PPFIBP2: variants seen among roughly 807,000 people sequenced by gnomAD.
PPFIBP2 encodes liprin-beta-2.
A neutral mutation model predicts 118.3 loss-of-function variants in PPFIBP2; 118 were observed. The observed-to-expected ratio is 1.00, with a 90% CI of 0.86 to 1.16. The LOEUF is 1.16. Among genes scored for constraint, PPFIBP2 ranks in the 50% most tolerant of loss-of-function variants. The pLI, the probability that PPFIBP2 is intolerant of heterozygous loss-of-function variation, is 0.00. For missense variants in PPFIBP2, 1,195 were observed against 1,073.1 expected (o/e 1.11, Z -1.59); for synonymous variants, 414 against 397.4 (o/e 1.04, Z -0.50).
chr11:7,630,906 A>C lies in PPFIBP2; in HGVS notation c.965-19A>C. The C allele has an allele frequency of 1.3e-6, 2 of 1,573,704 alleles. No homozygotes were observed. The highest frequency in any genetic ancestry group is 8.7e-7 in the Non-Finnish European group (1 of 1,143,280). On this transcript the variant is annotated intron_variant, in intron 10 of 23. Coordinates refer to ENST00000299492, the MANE Select transcript of PPFIBP2 (RefSeq NM_003621.5). ...AACATGAATTCAACAATTCAGTCTTACTACCTTAATGCTTGCAGGGCCTTC... is the reference window on the plus strand; with the variant it reads ...AACATGAATTCAACAATTCAGTCTTCCTACCTTAATGCTTGCAGGGCCTTC...
chr11:7,558,720 C>T (rs1193866776), intron 2 of PPFIBP2, among the ~76,000 whole-genome samples: 3 of 151,270 alleles, frequency 2.0e-5, no homozygotes, highest in Non-Finnish European at 4.4e-5. Flanking sequence ...CACGCCACTG[C>T]ACTCCAGCCT....
In PPFIBP2 at chr11:7,643,439, G is replaced by T. The variant is rs182323027; in HGVS notation, c.1646+1013G>T. Among the ~76,000 whole-genome samples, 664 of 152,322 alleles carry T rather than the reference G, an allele frequency of 4.4e-3. 2 individuals are homozygous for T. The highest frequency in any genetic ancestry group is 0.031 in the Middle Eastern group (9 of 294). On this transcript the variant is annotated intron_variant, in intron 17 of 23. Transcript: ENST00000299492. ...TCTGTATTCTGACAGTCACTTTAGG[G>T]TATGGGGTGACCAGGGTCAGTAGCT... is the stretch of plus-strand genomic sequence containing the variant.
intron 1 of PPFIBP2, among the ~76,000 whole-genome samples, chr11:7,531,870 G>A (rs952024292): frequency 2.6e-5 from 4 of 151,280 alleles, no homozygotes; most frequent in Non-Finnish European, 5.9e-5. Context: ...GAGTCTCACT[G>A]TGTTGCCCAT....
intron 4 of PPFIBP2, among the ~76,000 whole-genome samples, chr11:7,593,836 G>A (rs1464136927): frequency 1.3e-5 from 2 of 152,218 alleles, no homozygotes; most frequent in African/African-American, 4.8e-5. Context: ...AGGACATAGA[G>A]TTAGGTATTC....
chr11:7,530,708 C>T (rs1448632904), intron 1 of PPFIBP2, among the ~76,000 whole-genome samples: 1 of 152,218 alleles, frequency 6.6e-6, no homozygotes, highest in African/African-American at 2.4e-5. Context: ...TTTGTTAAAA[C>T]AGCCTGGACA....
intron 17 of PPFIBP2, among the ~76,000 whole-genome samples, chr11:7,644,142 T>A: frequency 6.6e-6 from 1 of 152,340 alleles, no homozygotes; most frequent in African/African-American, 2.4e-5. Context: ...CTTATAGATT[T>A]CTAACTGTTC....
At chr11:7,666,160 G>A in the PPFIBP2 span, 2 of 601,058 alleles carry the variant, frequency 3.3e-6, no homozygotes, top group Non-Finnish European at 5.9e-6. Flanking sequence ...TGGCTGTGTG[G>A]AATGGGTGGG....
chr11:7,522,826 A>G (rs941439673), intron 1 of PPFIBP2, among the ~76,000 whole-genome samples: 1 of 152,146 alleles, frequency 6.6e-6, no homozygotes, highest in Non-Finnish European at 1.5e-5. Context: ...CAGCGCTCTT[A>G]TACTTATTAT....
rs548303443 is a variant in PPFIBP2, at chr11:7,564,603, G to A, written c.65-950G>A. On this transcript the variant is annotated intron_variant, in intron 2 of 23. Transcript: ENST00000299492. ...AACATAGTGGCTTAAAACTACCATC[G>A]TTTCTTTGTAATTTCATGATTTGAG... Among the ~76,000 whole-genome samples, 9 of 152,202 alleles carry A rather than the reference G, an allele frequency of 5.9e-5. No homozygotes were observed. In the South Asian group the frequency reaches 8.3e-4, roughly 14 times the overall value.
intron 3 of PPFIBP2, among the ~76,000 whole-genome samples, chr11:7,592,782 C>A (rs914178043): frequency 1.3e-5 from 2 of 152,188 alleles, no homozygotes; most frequent in Non-Finnish European, 2.9e-5. Context: ...AAAGAGCAGA[C>A]CCTCATTGTC....
At chr11:7,570,527 GAA>G (rs1855546026) in intron 3 of PPFIBP2, among the ~76,000 whole-genome samples, 1 of 152,238 alleles carries the variant, frequency 6.6e-6, no homozygotes, top group Non-Finnish European at 1.5e-5. Context: ...GCAGCAAAGT[GAA>G]GGCAAGTCAA....
the PPFIBP2 span, chr11:7,665,492 G>A: frequency 6.2e-7 from 1 of 1,613,836 alleles, no homozygotes; most frequent in East Asian, 2.2e-5. Context: ...CGCTGGAGGA[G>A]GAAGGTGCTC....
At chr11:7,537,294 C>A (rs1851312856) in intron 1 of PPFIBP2, among the ~76,000 whole-genome samples, 1 of 152,170 alleles carries the variant, frequency 6.6e-6, no homozygotes, top group African/African-American at 2.4e-5. Flanking sequence ...CTCACAGGAC[C>A]CCCTTGAAGA....
At chr11:7,541,245 A>C (rs1851744505) in intron 1 of PPFIBP2, among the ~76,000 whole-genome samples, 1 of 152,186 alleles carries the variant, frequency 6.6e-6, no homozygotes, top group Non-Finnish European at 1.5e-5. Flanking sequence ...GGTGGTTCTG[A>C]TTAACAGCAA....
chr11:7,641,522 C>T lies in PPFIBP2; in HGVS notation c.1419C>T (p.Asp473=), dbSNP rs748689927. 4 of 1,613,712 alleles carry T rather than the reference C, an allele frequency of 2.5e-6. No homozygotes were observed. The highest frequency in any genetic ancestry group is 2.5e-6 in the Non-Finnish European group (3 of 1,179,552). Residue 473 remains aspartate, a synonymous_variant, in exon 16 of 24, where the codon GAC becomes GAT. Transcript: ENST00000299492. ...GGGACGACACTGCTGTGGTCAATGA[C>T]CTCTCATCCACATCATCGGGCACTG... The part of the protein sequence containing the change: ...SGWDDTAVVN[D]LSSTSSGTES...
intron 16 of PPFIBP2, 63 bp downstream of exon 16, chr11:7,641,683 A>AT: frequency 6.6e-7 from 1 of 1,507,770 alleles, no homozygotes; most frequent in Non-Finnish European, 9.1e-7. Context: ...TTGGGCAAAG[A>AT]GTCTATGTAA....
chr11:7,629,447 G>T lies in PPFIBP2; in HGVS notation c.889-12G>T, dbSNP rs748277620. On this transcript the variant is annotated splice_polypyrimidine_tract_variant and intron_variant, in intron 9 of 23. Transcript: ENST00000299492. ...ATAGCATTAATCTAAATCTCTACTT[G>T]CACTATGGCAGGACCGTCGGATAGA... is the stretch of plus-strand genomic sequence containing the variant. 1.9e-6 allele frequency: 3 copies of T among 1,612,740 alleles called. No homozygotes were observed. The highest frequency in any genetic ancestry group is 2.7e-5 in the African/African-American group (2 of 74,878).
chr11:7,554,481 G>A (rs575841281), intron 2 of PPFIBP2, among the ~76,000 whole-genome samples: 21 of 152,040 alleles, frequency 1.4e-4, no homozygotes, highest in South Asian at 4.1e-4. Context: ...TAAGCTTTTA[G>A]TGCAAAAAAA....
intron 2 of PPFIBP2, among the ~76,000 whole-genome samples, chr11:7,557,877 G>T (rs1853821502): frequency 6.6e-6 from 1 of 152,070 alleles, no homozygotes; most frequent in Non-Finnish European, 1.5e-5. Context: ...AAGTGGCAAG[G>T]TTTTAGAACA....
Sources: allele counts gnomAD v4.1 joint callset (sites outside exome capture counted in the v4.1 genomes callset), GRCh38; gene constraint gnomAD v4.1.1; transcripts MANE v1.5; gene names NCBI Gene and HGNC (gene_info 2026-07-23, HGNC 2026-07-21).